The following PCDHGA1 variants were observed in gnomAD, a reference collection of about 807,000 sequenced individuals.
PCDHGA1 encodes protocadherin gamma-A1.
PCDHGA1 carries 32 observed loss-of-function variants against 58.0 expected under a neutral mutation model. That is an observed-to-expected ratio of 0.55 (90% confidence interval 0.42 to 0.74). PCDHGA1 has a LOEUF of 0.74. PCDHGA1 is among the 30% of genes least tolerant of loss of function. PCDHGA1 has a pLI of 0.00. For missense variants in PCDHGA1, 1,205 were observed against 1,182.3 expected (o/e 1.02, Z -0.28); for synonymous variants, 498 against 501.1 (o/e 0.99, Z 0.08).
chr5:141,486,728 G>T lies in PCDHGA1; in HGVS notation c.2422-8079G>T. On this transcript the variant is annotated intron_variant, in intron 1 of 3. Coordinates refer to ENST00000517417, the MANE Select transcript of PCDHGA1 (RefSeq NM_018912.3). This position sits in a 1 kb window ranked among gnomAD's most constrained non-coding sequence, Gnocchi z 5.0. Reference sequence around the variant, plus strand: ...GAACCCCCAGACAGGAGCTGTTCATGCTACTCGATCCTTTGACTATGAGCA... The same window carrying T: ...GAACCCCCAGACAGGAGCTGTTCATTCTACTCGATCCTTTGACTATGAGCA... The T allele has an allele frequency of 6.2e-7, 1 of 1,614,200 alleles. No individual in the cohort carries two copies. The highest frequency in any genetic ancestry group is 8.5e-7 in the Non-Finnish European group (1 of 1,180,052).
intron 1 of PCDHGA1, chr5:141,345,064 C>T (rs1475789913): frequency 1.4e-5 from 23 of 1,613,796 alleles, no homozygotes; most frequent in Non-Finnish European, 1.9e-5. Context: ...AATGACAATG[C>T]TCCAGAAATT....
chr5:141,365,691 A>C, intron 1 of PCDHGA1: 5 of 1,613,420 alleles, frequency 3.1e-6, no homozygotes, highest in Non-Finnish European at 4.2e-6. Context: ...AATTTCCCTC[A>C]AGCCTCCTAC....
At chr5:141,484,102 A>T (rs1404220648) in intron 1 of PCDHGA1, among the ~76,000 whole-genome samples, 1 of 152,206 alleles carries the variant, frequency 6.6e-6, no homozygotes, top group African/African-American at 2.4e-5. Flanking sequence ...GTTGGTAATT[A>T]ACAAAAGATC....
At chr5:141,415,589 T>A in intron 1 of PCDHGA1, 1 of 1,614,062 alleles carries the variant, frequency 6.2e-7, no homozygotes, top group East Asian at 2.2e-5. Flanking sequence ...AAGTTTCCTA[T>A]AGAGGATACC....
chr5:141,364,182 A>G (rs1763205286), intron 1 of PCDHGA1: 1 of 942,924 alleles, frequency 1.1e-6, no homozygotes, highest in Non-Finnish European at 1.5e-6. Context: ...TGCTCCCTCC[A>G]TACTAAACAC....
chr5:141,447,181 G>T (rs442221), intron 1 of PCDHGA1, among the ~76,000 whole-genome samples: 1 of 152,338 alleles, frequency 6.6e-6, no homozygotes, highest in Admixed American at 6.5e-5. Context: ...CTCTTGTCGC[G>T]CAGGCTGGAG....
At chr5:141,471,508 G>A (rs1262338812) in intron 1 of PCDHGA1, 3 of 152,216 alleles carry the variant, frequency 2.0e-5, no homozygotes, top group African/African-American at 7.2e-5. Context: ...AAGAGAGGGA[G>A]TAAAAATAAC....
chr5:141,355,007 C>T, intron 1 of PCDHGA1: 1 of 791,276 alleles, frequency 1.3e-6, no homozygotes, highest in Non-Finnish European at 1.8e-6. Flanking sequence ...AAAAGACAAA[C>T]CAGAAATTTA....
At chr5:141,419,533 C>T in intron 1 of PCDHGA1, 1 of 1,612,106 alleles carries the variant, frequency 6.2e-7, no homozygotes, top group Non-Finnish European at 8.5e-7. Context: ...GTAACGACAA[C>T]GCACCGCGGG....
At chr5:141,450,293 G>A (rs879439714) in intron 1 of PCDHGA1, among the ~76,000 whole-genome samples, 6 of 151,746 alleles carry the variant, frequency 4.0e-5, no homozygotes, top group Non-Finnish European at 7.4e-5. Flanking sequence ...GATTACAGGC[G>A]TGAGCCACCA....
chr5:141,498,105 G>C (rs150297456), intron 2 of PCDHGA1, among the ~76,000 whole-genome samples: 1 of 152,324 alleles, frequency 6.6e-6, no homozygotes, highest in East Asian at 1.9e-4. Flanking sequence ...TGGTGTGGGC[G>C]TATAATAGGG....
chr5:141,499,466 G>C (rs1337970911), intron 2 of PCDHGA1, among the ~76,000 whole-genome samples: 1 of 152,034 alleles, frequency 6.6e-6, no homozygotes, highest in African/African-American at 2.4e-5. Flanking sequence ...TTACAATCTA[G>C]GGAGAACCAC....
In PCDHGA1 at chr5:141,350,224, A is replaced by G. The variant is rs545607392; in HGVS notation, c.2421+17119A>G. On this transcript the variant is annotated intron_variant, in intron 1 of 3. Coordinates refer to ENST00000517417, the MANE Select transcript of PCDHGA1 (RefSeq NM_018912.3). ...GTGCTGCCATTTCTTTTTGAAAAAC[A>G]TCCCAGAGGAAAGAAGCTCCGCGGA... is the stretch of plus-strand genomic sequence containing the variant. The G allele has an allele frequency of 1.7e-5, 26 of 1,496,556 alleles. No individual in the cohort carries two copies. In the East Asian group the frequency reaches 6.0e-4, roughly 35 times the overall value. The allele number at this position is 1,496,556 out of a possible 1,614,324, so 92.7% of individuals were successfully genotyped here.
At chr5:141,465,184 A>G (rs866520508) in intron 1 of PCDHGA1, among the ~76,000 whole-genome samples, 2 of 152,130 alleles carry the variant, frequency 1.3e-5, no homozygotes, top group Admixed American at 6.5e-5. Flanking sequence ...ATTTAATTAA[A>G]AGATAAAAAT....
At chr5:141,388,439 A>G (rs1209677690) in intron 1 of PCDHGA1, 10 of 1,613,896 alleles carry the variant, frequency 6.2e-6, no homozygotes, top group Non-Finnish European at 8.5e-6. Context: ...ATAAAGAGAA[A>G]TCAGATGGCA....
chr5:141,331,184 T>C lies in PCDHGA1; in HGVS notation c.500T>C (p.Leu167Pro), dbSNP rs943212154. 6.2e-7 allele frequency: 1 copy of C among 1,613,986 alleles called. No individual in the cohort carries two copies. The highest frequency in any genetic ancestry group is 8.5e-7 in the Non-Finnish European group (1 of 1,180,040). ...GQDLDVGMNS[L>P]QSYQLSSNPH... Reference sequence around the variant, plus strand: ...GACCTTGATGTGGGTATGAACTCACTCCAGAGCTACCAACTCAGCTCTAAC... The same window carrying C: ...GACCTTGATGTGGGTATGAACTCACCCCAGAGCTACCAACTCAGCTCTAAC... Residue 167 changes from leucine (L) to proline (P), a missense_variant, in exon 1 of 4, where the codon CTC becomes CCC. Transcript: ENST00000517417.
In PCDHGA1 at chr5:141,486,407, C is replaced by A; in HGVS notation, c.2422-8400C>A. The A allele has an allele frequency of 6.2e-7, 1 of 1,614,134 alleles. No homozygotes were observed. The highest frequency in any genetic ancestry group is 8.5e-7 in the Non-Finnish European group (1 of 1,180,000). On this transcript the variant is annotated intron_variant, in intron 1 of 3. Transcript: ENST00000517417. This position sits in a 1 kb window ranked among gnomAD's most constrained non-coding sequence, Gnocchi z 5.0. Reference sequence around the variant, plus strand: ...CCAGTTCTCCCTGGTGACTGCTGGACCCTTGGATCGAGAGGCCAAATCTAG... The same window carrying A: ...CCAGTTCTCCCTGGTGACTGCTGGAACCTTGGATCGAGAGGCCAAATCTAG...
intron 1 of PCDHGA1, among the ~76,000 whole-genome samples, chr5:141,439,391 G>A (rs880080): frequency 0.036 from 5,494 of 152,210 alleles, 123 homozygotes; most frequent in South Asian, 0.078. Context: ...TCATCACTTC[G>A]ACTTCATGTG....
At chr5:141,394,952 G>A (rs764724660) in intron 1 of PCDHGA1, 13 of 1,613,738 alleles carry the variant, frequency 8.1e-6, no homozygotes, top group African/African-American at 6.7e-5. Context: ...TGCTTCTGGG[G>A]CTCAGGCTGA....
Sources: allele counts gnomAD v4.1 joint callset (sites outside exome capture counted in the v4.1 genomes callset), GRCh38; gene constraint gnomAD v4.1.1; non-coding constraint Gnocchi (gnomAD v3.1); transcripts MANE v1.5; gene names NCBI Gene and HGNC (gene_info 2026-07-23, HGNC 2026-07-21).